The following FMO3 variants were observed in gnomAD, a reference collection of about 807,000 sequenced individuals.
The protein encoded by FMO3 is flavin-containing monooxygenase 3.
In FMO3, 40 loss-of-function variants were observed where a neutral mutation model predicts 39.4. The ratio of observed to expected loss-of-function variants is 1.02; its 90% CI spans 0.79 to 1.32. The LOEUF (loss-of-function observed/expected upper bound fraction) is 1.32. Ranked by LOEUF, FMO3 falls within the 40% of genes most tolerant of loss-of-function variation. The pLI is 0.00. For missense variants in FMO3, 680 were observed against 651.8 expected (o/e 1.04, Z -0.47); for synonymous variants, 219 against 228.8 (o/e 0.96, Z 0.39).
At chr1:171,096,010 T>C in intron 2 of FMO3, among the ~76,000 whole-genome samples, 1 of 53,768 alleles carries the variant, frequency 1.9e-5, no homozygotes, top group Non-Finnish European at 3.0e-5. Context: ...TATATTAATA[T>C]ACATATTATA....
chr1:171,092,932 A>G, intron 2 of FMO3, 142 bp downstream of exon 2: 1 of 934,404 alleles, frequency 1.1e-6, no homozygotes, highest in Non-Finnish European at 1.7e-6. Flanking sequence ...TACAGTGTCA[A>G]GAGCAGGTTG....
intron 2 of FMO3, among the ~76,000 whole-genome samples, chr1:171,102,316 C>G (rs1041396089): frequency 2.6e-5 from 4 of 151,628 alleles, no homozygotes; most frequent in Admixed American, 2.6e-4. Context: ...GAACTAGCAA[C>G]TACACATAGA....
chr1:171,096,194 T>G (rs1655030619), intron 2 of FMO3, among the ~76,000 whole-genome samples: 1 of 88,582 alleles, frequency 1.1e-5, no homozygotes, highest in Non-Finnish European at 1.9e-5. Context: ...TTAATATATA[T>G]TTATATCAAT....
rs1439804728 is a variant in FMO3, at chr1:171,107,847, A to G, written c.484+10A>G. On this transcript the variant is annotated intron_variant, in intron 4 of 8. Coordinates refer to ENST00000367755, the MANE Select transcript of FMO3 (RefSeq NM_001002294.3). ...AAAGAGTCCTTTCCAGGTAAGGCCAAAATTTAAGCTGCTAGCCACATAACT... is the reference window on the plus strand; with the variant it reads ...AAAGAGTCCTTTCCAGGTAAGGCCAGAATTTAAGCTGCTAGCCACATAACT... 1 of 1,612,906 alleles carries G rather than the reference A, an allele frequency of 6.2e-7. No homozygotes were observed. The highest frequency in any genetic ancestry group is 8.5e-7 in the Non-Finnish European group (1 of 1,178,926).
At chr1:171,091,363 T>C (rs1208260772) in intron 1 of FMO3, among the ~76,000 whole-genome samples, 4 of 152,124 alleles carry the variant, frequency 2.6e-5, no homozygotes, top group Non-Finnish European at 5.9e-5. Flanking sequence ...GGCAGTTTGT[T>C]TGTTTCTGGG....
At chr1:171,111,062 C>T (rs1655888700) in intron 6 of FMO3, 65 bp downstream of exon 6, 9 of 1,257,232 alleles carry the variant, frequency 7.2e-6, no homozygotes, top group African/African-American at 1.5e-5. Flanking sequence ...CCCTTAATGT[C>T]CTGTAAGCCC....
At chr1:171,096,468 A>T (rs1166447921) in intron 2 of FMO3, among the ~76,000 whole-genome samples, 11 of 102,352 alleles carry the variant, frequency 1.1e-4, no homozygotes, top group East Asian at 3.6e-4. Context: ...TATTAAATAC[A>T]TAATATATTT....
chr1:171,116,811 T>C (rs1656173257), intron 8 of FMO3, among the ~76,000 whole-genome samples: 1 of 152,218 alleles, frequency 6.6e-6, no homozygotes, highest in African/African-American at 2.4e-5. Flanking sequence ...TCTATCCATT[T>C]GTAAATAAGG....
chr1:171,099,329 A>G (rs370768593), intron 2 of FMO3, among the ~76,000 whole-genome samples: 20 of 152,196 alleles, frequency 1.3e-4, no homozygotes, highest in African/African-American at 3.9e-4. Flanking sequence ...TATGTGGTCA[A>G]TTTTGGATTA....
chr1:171,108,439 A>G (rs906000525), intron 5 of FMO3, among the ~76,000 whole-genome samples: 10 of 152,160 alleles, frequency 6.6e-5, no homozygotes, highest in African/African-American at 2.4e-4. Flanking sequence ...GTCATTCAAC[A>G]ATCTCCTTCT....
intron 7 of FMO3, among the ~76,000 whole-genome samples, 191 bp downstream of exon 7, chr1:171,114,553 A>G (rs1571226654): frequency 6.6e-6 from 1 of 152,336 alleles, no homozygotes; most frequent in East Asian, 1.9e-4. Context: ...ATGAAATACT[A>G]CAAGATATTA....
In FMO3 at chr1:171,113,975, A is replaced by G. The variant is rs373066202; in HGVS notation, c.828-32A>G. The G allele has an allele frequency of 5.0e-6, 7 of 1,400,204 alleles. No homozygotes were observed. The African/African-American group carries it at 1.0e-4, about 20-fold the overall frequency. 86.7% of individuals were successfully genotyped at this position (1,400,204 alleles called of 1,614,324 possible). A position where few individuals can be genotyped will look rare whatever the true frequency, so the allele number is the denominator to read the frequency against. On this transcript the variant is annotated intron_variant, in intron 6 of 8. Transcript: ENST00000367755. ...CAATAAAACAAGAGGGAAATATTACACTTCCAATAATTGTCTCTGTTTTCC... is the reference window on the plus strand; with the variant it reads ...CAATAAAACAAGAGGGAAATATTACGCTTCCAATAATTGTCTCTGTTTTCC...
At chr1:171,099,147 C>A (rs932176695) in intron 2 of FMO3, among the ~76,000 whole-genome samples, 1 of 152,142 alleles carries the variant, frequency 6.6e-6, no homozygotes, top group African/African-American at 2.4e-5. Flanking sequence ...GCCTTCATTT[C>A]ATTATGTACC....
intron 8 of FMO3, among the ~76,000 whole-genome samples, chr1:171,116,660 G>A (rs1656167406): frequency 6.6e-6 from 1 of 152,092 alleles, no homozygotes; most frequent in Non-Finnish European, 1.5e-5. Flanking sequence ...AGATGTAGAG[G>A]ATATTTCAAA....
rs1258743388 is a variant in FMO3, at chr1:171,110,924, T to A, written c.754T>A (p.Ser252Thr). 2.5e-6 allele frequency: 4 copies of A among 1,613,950 alleles called. No individual in the cohort carries two copies. The highest frequency in any genetic ancestry group is 3.4e-6 in the Non-Finnish European group (4 of 1,179,866). ...FLKNNLPTAI[S>T]DWLYVKQMNA... ...CAAGAACAATTTACCGACAGCCATC[T>A]CTGACTGGTTGTACGTGAAGCAGAT... Residue 252 changes from serine (S) to threonine (T), a missense_variant, in exon 6 of 9, where the codon TCT becomes ACT. Coordinates refer to ENST00000367755, the MANE Select transcript of FMO3 (RefSeq NM_001002294.3).
Position 171,109,526 on chromosome 1 carries a change from C to CTTTTTTTTTTTTTTT in FMO3, c.628-1261_628-1247dup, listed in dbSNP as rs780479699. 7.3e-4 allele frequency among the ~76,000 whole-genome samples: 43 copies of CTTTTTTTTTTTTTTT among 58,998 alleles called. 9 individuals carry two copies. The highest frequency in any genetic ancestry group is 1.2e-3 in the East Asian group (2 of 1,722). The allele number at this position is 58,998 out of a possible 152,430, so 38.7% of individuals were successfully genotyped here. ...TAATTAATTGATCCTTTAGTCTCTT[C>CTTTTTTTTTTTTTTT]TTTTTTTTTTTTTTTTTTTTTTTTT... On this transcript the variant is annotated intron_variant, in intron 5 of 8. Coordinates refer to ENST00000367755, the MANE Select transcript of FMO3 (RefSeq NM_001002294.3).
intron 2 of FMO3, among the ~76,000 whole-genome samples, chr1:171,096,703 A>G (rs1340873351): frequency 6.7e-5 from 9 of 134,958 alleles, no homozygotes; most frequent in African/African-American, 2.4e-4. Flanking sequence ...ATATAATTAT[A>G]TAAAAATTAA....
At chr1:171,100,633 C>T (rs946800801) in intron 2 of FMO3, 1 of 154,342 alleles carries the variant, frequency 6.5e-6, no homozygotes, top group Admixed American at 6.4e-5. Context: ...AGATTTTGGA[C>T]TTTTGAATTG....
At chr1:171,096,031 TAA>T (rs1491445259) in intron 2 of FMO3, among the ~76,000 whole-genome samples, 7 of 61,034 alleles carry the variant, frequency 1.1e-4, no homozygotes, top group South Asian at 5.4e-4. Flanking sequence ...TATTAATATA[TAA>T]TATATATTAT....
Sources: gnomAD v4.1 joint callset for allele counts (sites outside exome capture counted in the v4.1 genomes callset) on GRCh38, gnomAD v4.1.1 for gene constraint, MANE v1.5 for transcripts, NCBI Gene and HGNC (gene_info 2026-07-23, HGNC 2026-07-21) for gene names.